ABCB11: variants seen among roughly 807,000 people sequenced by gnomAD.
The protein encoded by ABCB11 is ATP binding cassette subfamily B member 11.
A neutral mutation model predicts 148.0 loss-of-function variants in ABCB11; 95 were observed. That is an observed-to-expected ratio of 0.64 (90% CI 0.54 to 0.76). ABCB11 has a LOEUF of 0.76. ABCB11 is among the 30% of genes least tolerant of loss of function. The pLI is 0.00. For synonymous variants in ABCB11, 591 were observed against 555.4 expected, an observed-to-expected ratio of 1.06 and a Z score of -0.90; for missense variants, 1,523 against 1,617.8, an observed-to-expected ratio of 0.94 and a Z score of 1.01.
chr2:168,974,853 T>C (rs1008889362), intron 12 of ABCB11, among the ~76,000 whole-genome samples: 1 of 151,500 alleles, frequency 6.6e-6, no homozygotes, highest in African/African-American at 2.4e-5. Flanking sequence ...TTACATATGT[T>C]ATAACATTTG....
chr2:168,964,040 G>A (rs141726971), intron 18 of ABCB11, among the ~76,000 whole-genome samples, 166 bp downstream of exon 18: 8 of 151,862 alleles, frequency 5.3e-5, no homozygotes, highest in African/African-American at 1.9e-4. Flanking sequence ...AAAATATTGT[G>A]TAAAACTTAG....
At chr2:168,920,265 C>A (rs969291886), downstream of ABCB11, among the ~76,000 whole-genome samples, 10 of 152,224 alleles carry the variant, frequency 6.6e-5, no homozygotes, top group Admixed American at 2.6e-4. Flanking sequence ...TCATACTGTG[C>A]CCAAATAGGA....
At chr2:168,940,827 A>G (rs1320879283) in intron 21 of ABCB11, among the ~76,000 whole-genome samples, 1 of 152,030 alleles carries the variant, frequency 6.6e-6, no homozygotes, top group East Asian at 1.9e-4. Context: ...GAAGCTTACC[A>G]TTCCAAAAAT....
At position 168,982,073 on chromosome 2, in the gene ABCB11, T is replaced by A. The variant is rs540463919; in HGVS notation, c.1084-2094A>T. ...CAACATCCCAATAAGCCATCATTTGTCACTCAACATCATATTCTTTAGCCC... is the reference window on the plus strand; with the variant it reads ...CAACATCCCAATAAGCCATCATTTGACACTCAACATCATATTCTTTAGCCC... On this transcript the variant is annotated intron_variant, in intron 10 of 27. Coordinates refer to ENST00000650372, the MANE Select transcript of ABCB11 (RefSeq NM_003742.4). Among the ~76,000 whole-genome samples the A allele has an allele frequency of 1.2e-4, 18 of 152,262 alleles. No individual in the cohort carries two copies. In the South Asian group the frequency reaches 1.9e-3, roughly 16 times the overall value.
At chr2:169,018,210 A>T (rs1695423297) in intron 1 of ABCB11, 58 bp from the exon 2 acceptor site, 1 of 1,467,420 alleles carries the variant, frequency 6.8e-7, no homozygotes, top group East Asian at 2.3e-5. Context: ...TTCTTTAATC[A>T]AAGTAGCCAA....
At position 168,971,704 on chromosome 2, in the gene ABCB11, G is replaced by A. The variant is rs539836225; in HGVS notation, c.1638+143C>T. 1.3e-5 allele frequency: 9 copies of A among 716,932 alleles called. No individual in the cohort carries two copies. In the Admixed American group the frequency reaches 1.8e-4, roughly 14 times the overall value. 44.4% of individuals were successfully genotyped at this position (716,932 alleles called of 1,614,324 possible). On this transcript the variant is annotated intron_variant, in intron 14 of 27. Transcript: ENST00000650372. Reference sequence around the variant, plus strand: ...TTTCAGATGAAAGGAAACACTCATGGTACTTTTTCAGGCATGAAACTAAAA... The same window carrying A: ...TTTCAGATGAAAGGAAACACTCATGATACTTTTTCAGGCATGAAACTAAAA...
chr2:168,969,510 C>G lies in ABCB11; in HGVS notation c.1851G>C (p.Leu617Phe). Residue 617 changes from leucine to phenylalanine, a missense_variant, in exon 16 of 28, where the codon TTG becomes TTC. By Grantham distance (22) the Leu-to-Phe change is conservative. Transcript: ENST00000650372. ...TGGTATCTGCAGCTCTGACCGTAGA[C>G]AAGCGATGAGCAACTGAAATGATTG... ...GHTIISVAHR[L>F]STVRAADTII... 1 of 1,612,544 alleles carries G rather than the reference C, an allele frequency of 6.2e-7. No individual in the cohort carries two copies. The highest frequency in any genetic ancestry group is 8.5e-7 in the Non-Finnish European group (1 of 1,179,174).
intron 19 of ABCB11, among the ~76,000 whole-genome samples, 159 bp downstream of exon 19, chr2:168,957,805 C>T (rs544420478): frequency 1.5e-4 from 23 of 151,616 alleles, no homozygotes; most frequent in South Asian, 4.1e-4. Flanking sequence ...GCCTTCTTAC[C>T]CTCTGTGTGA....
chr2:168,993,239 C>T lies in ABCB11; in HGVS notation c.783+472G>A, dbSNP rs567913305. 3.3e-5 allele frequency among the ~76,000 whole-genome samples: 5 copies of T among 152,124 alleles called. No individual in the cohort carries two copies. In the East Asian group the frequency reaches 7.8e-4, roughly 24 times the overall value. ...TCTGTTGTGCCTTTTCAGGGAAGTG[C>T]CCAAGCTTGGGAGGACATGGAGAAC... is the stretch of plus-strand genomic sequence containing the variant. On this transcript the variant is annotated intron_variant, in intron 8 of 27. Coordinates refer to ENST00000650372, the MANE Select transcript of ABCB11 (RefSeq NM_003742.4).
At chr2:169,002,400 A>C (rs10211329) in intron 5 of ABCB11, among the ~76,000 whole-genome samples, 7,649 of 152,228 alleles carry the variant, frequency 0.05, 649 homozygotes, top group African/African-American at 0.17. Flanking sequence ...TAGGTTCCTC[A>C]AAAAGTTAGA....
intron 10 of ABCB11, among the ~76,000 whole-genome samples, chr2:168,982,905 G>A (rs897805539): frequency 6.6e-6 from 1 of 152,178 alleles, no homozygotes; most frequent in African/African-American, 2.4e-5. Context: ...GACGTTGGGA[G>A]TAACAGGTTA....
At chr2:168,992,523 G>T (rs1415725487) in intron 8 of ABCB11, among the ~76,000 whole-genome samples, 2 of 152,104 alleles carry the variant, frequency 1.3e-5, no homozygotes, top group African/African-American at 4.8e-5. Flanking sequence ...CGTAAAACTT[G>T]AATGATATAG....
At chr2:168,996,447 C>T (rs1271421272) in intron 6 of ABCB11, among the ~76,000 whole-genome samples, 188 bp downstream of exon 6, 1 of 151,958 alleles carries the variant, frequency 6.6e-6, no homozygotes, top group Non-Finnish European at 1.5e-5. Context: ...TCTCTCTGGA[C>T]AGCCACTTGT....
intron 12 of ABCB11, among the ~76,000 whole-genome samples, chr2:168,974,574 T>C (rs1477901891): frequency 1.3e-5 from 2 of 152,014 alleles, no homozygotes; most frequent in Non-Finnish European, 2.9e-5. Flanking sequence ...CTGGCCTGTA[T>C]TGGACTGTAA....
At chr2:169,019,510 C>A (rs993897586) in intron 1 of ABCB11, among the ~76,000 whole-genome samples, 3 of 152,170 alleles carry the variant, frequency 2.0e-5, no homozygotes, top group Admixed American at 6.5e-5. Context: ...CAGGTATACA[C>A]AAGTCCTACA....
intron 8 of ABCB11, among the ~76,000 whole-genome samples, chr2:168,991,596 C>T (rs114410986): frequency 7.2e-5 from 11 of 151,898 alleles, no homozygotes; most frequent in Non-Finnish European, 5.9e-5. Flanking sequence ...ACACATATTG[C>T]GGAAGATCAA....
chr2:169,003,717 A>C (rs181749763), intron 5 of ABCB11, among the ~76,000 whole-genome samples: 4 of 152,296 alleles, frequency 2.6e-5, no homozygotes, highest in Admixed American at 2.6e-4. Context: ...CCAATGGTGT[A>C]AAAGTGTTCC....
chr2:169,022,988 A>T (rs1259541137), intron 1 of ABCB11, among the ~76,000 whole-genome samples: 1 of 152,162 alleles, frequency 6.6e-6, no homozygotes, highest in Admixed American at 6.5e-5. Flanking sequence ...TAATGAATAA[A>T]TTTGGGGTAA....
intron 10 of ABCB11, among the ~76,000 whole-genome samples, chr2:168,984,306 A>G (rs1192516522): frequency 2.0e-5 from 3 of 152,144 alleles, no homozygotes; most frequent in African/African-American, 7.2e-5. Context: ...TGTCTTCTCC[A>G]TTAAAGTGTA....
Sources: allele counts gnomAD v4.1 joint callset (sites outside exome capture counted in the v4.1 genomes callset), GRCh38; gene constraint gnomAD v4.1.1; transcripts MANE v1.5; gene names NCBI Gene and HGNC (gene_info 2026-07-23, HGNC 2026-07-21).